The following UPF1 variants were observed in gnomAD, a reference collection of about 807,000 sequenced individuals.
UPF1 encodes the protein UPF1 RNA helicase and ATPase, also known as regulator of nonsense transcripts 1.
Under a neutral mutation model 129.2 loss-of-function variants are expected in UPF1, and 9 were observed. The observed-to-expected ratio is 0.07, with a 90% confidence interval of 0.04 to 0.12. UPF1 has a LOEUF of 0.12. Among genes scored for constraint, UPF1 ranks in the 10% least tolerant of loss-of-function variants. The pLI, the probability that UPF1 is intolerant of heterozygous loss-of-function variation, is 1.00. For synonymous variants in UPF1, 649 were observed against 644.9 expected (o/e 1.01, Z -0.10); for missense variants, 788 against 1,525.3 (o/e 0.52, Z 8.05).
At position 18,856,309 on chromosome 19, in the gene UPF1, C is replaced by G; in HGVS notation, c.1824+9C>G. 1.3e-6 allele frequency: 2 copies of G among 1,585,446 alleles called. No individual in the cohort carries two copies. Among genetic ancestry groups the G allele is most frequent in the East Asian group, 2.3e-5 (1 of 44,014 alleles). Reference sequence around the variant, plus strand: ...AGAGAGAGCTGCTGATGGTGAGTGCCCCTCCTGCCTGCAAAAGGGCCTGTG... The same window carrying G: ...AGAGAGAGCTGCTGATGGTGAGTGCGCCTCCTGCCTGCAAAAGGGCCTGTG... On this transcript the variant is annotated intron_variant, in intron 13 of 23. Transcript: ENST00000262803.
At chr19:18,836,651 T>C (rs1291940592) in intron 1 of UPF1, among the ~76,000 whole-genome samples, 2 of 152,130 alleles carry the variant, frequency 1.3e-5, no homozygotes, top group African/African-American at 4.8e-5. Context: ...TGTATGTCAG[T>C]TTCTAAAATG....
rs1369282702 is a variant in UPF1 at position 18,860,849 on chromosome 19, A to G, written c.2324A>G (p.Lys775Arg). The change falls in exon 17 of 24, where the codon AAG becomes AGG. Residue 775 changes from lysine to arginine, a missense_variant. Around this residue, in one of 6 missense-constraint regions of UPF1, gnomAD observed 140 missense variants for 385.9 expected, o/e 0.36. Transcript: ENST00000262803. ...LNRTEAANVE[K>R]ITTKLLKAGA... Reference sequence around the variant, plus strand: ...AGGACCGAGGCTGCGAACGTGGAGAAGATCACCACGAAGTTGCTGAAGGCA... The same window carrying G: ...AGGACCGAGGCTGCGAACGTGGAGAGGATCACCACGAAGTTGCTGAAGGCA... 2 of 1,612,420 alleles carry G rather than the reference A, an allele frequency of 1.2e-6. No homozygotes were observed. Among genetic ancestry groups the G allele is most frequent in the Non-Finnish European group, 1.7e-6 (2 of 1,179,590 alleles).
At chr19:18,841,720 G>A (rs1242220210) in intron 1 of UPF1, among the ~76,000 whole-genome samples, 1 of 152,150 alleles carries the variant, frequency 6.6e-6, no homozygotes, top group Non-Finnish European at 1.5e-5. Flanking sequence ...GGGCTCCAGG[G>A]AGAGTGGCTG....
Position 18,852,240 on chromosome 19 carries a change from T to C in UPF1, c.916T>C (p.Phe306Leu). 1 of 1,613,706 alleles carries C rather than the reference T, an allele frequency of 6.2e-7. No homozygotes were observed. The highest frequency in any genetic ancestry group is 8.5e-7 in the Non-Finnish European group (1 of 1,179,780). ...GGACGCCTACCAGTACCAGAACATATTCGGGCCCCTGGTCAAGCTGGAGGC... is the reference window on the plus strand; with the variant it reads ...GGACGCCTACCAGTACCAGAACATACTCGGGCCCCTGGTCAAGCTGGAGGC... The part of the protein sequence containing the change: ...YEDAYQYQNI[F>L]GPLVKLEADY... Residue 306 changes from phenylalanine to leucine, a missense_variant, in exon 6 of 24, where the codon TTC becomes CTC. Coordinates refer to ENST00000262803, the MANE Select transcript of UPF1 (RefSeq NM_002911.4).
intron 3 of UPF1, 89 bp from the exon 4 acceptor site, chr19:18,849,986 G>C: frequency 6.5e-7 from 1 of 1,538,108 alleles, no homozygotes; most frequent in Non-Finnish European, 8.9e-7. Context: ...ACCGTGAACG[G>C]TACCGGAACT....
rs563690181 is a variant in UPF1 at position 18,850,010 on chromosome 19, C to T, written c.462-65C>T. On this transcript the variant is annotated intron_variant, in intron 3 of 23. Transcript: ENST00000262803. This position sits in a 1 kb window ranked among gnomAD's most constrained non-coding sequence, Gnocchi z 7.1. The stretch of plus-strand genomic sequence containing the variant: ...GGTACCGGAACTTTTAACAGGGGCC[C>T]GAAAATTGGAAGTGGTGAAAAGCCA... The T allele has an allele frequency of 1.2e-4, 186 of 1,601,458 alleles. No individual in the cohort carries two copies. The highest frequency in any genetic ancestry group is 8.3e-4 in the Middle Eastern group (5 of 6,016).
chr19:18,841,474 A>G (rs1394109124), intron 1 of UPF1, among the ~76,000 whole-genome samples: 1 of 152,230 alleles, frequency 6.6e-6, no homozygotes, highest in Non-Finnish European at 1.5e-5. Flanking sequence ...ATGTAGGGAC[A>G]GTTGGCCTCT....
chr19:18,847,780 C>T lies in UPF1; in HGVS notation c.408C>T (p.Tyr136=). Residue 136 remains tyrosine, a synonymous_variant, in exon 3 of 24, where the codon TAC becomes TAT. Coordinates refer to ENST00000262803, the MANE Select transcript of UPF1 (RefSeq NM_002911.4). ...TACACGATCCTGCCTGCGTGGTTTA[C>T]TGTAATACCAGCAAGAAGTGGTTCT... ...CGIHDPACVV[Y]CNTSKKWFCN... is the part of the protein sequence containing the mutation. 4 of 1,614,194 alleles carry T rather than the reference C, an allele frequency of 2.5e-6. No individual in the cohort carries two copies. The highest frequency in any genetic ancestry group is 3.4e-6 in the Non-Finnish European group (4 of 1,180,034).
chr19:18,856,482 G>A (rs781481979), intron 13 of UPF1, among the ~76,000 whole-genome samples, 182 bp downstream of exon 13: 5 of 152,150 alleles, frequency 3.3e-5, no homozygotes, highest in Admixed American at 2.0e-4. Flanking sequence ...CCTGGAACAC[G>A]GTCTTCTAGG....
At chr19:18,836,582 A>G (rs955735940) in intron 1 of UPF1, among the ~76,000 whole-genome samples, 1 of 152,144 alleles carries the variant, frequency 6.6e-6, no homozygotes, top group Non-Finnish European at 1.5e-5. Flanking sequence ...CTTGGGGGTA[A>G]TGGACGTTTT....
chr19:18,836,063 A>G (rs1028700404), intron 1 of UPF1, among the ~76,000 whole-genome samples: 5 of 152,186 alleles, frequency 3.3e-5, no homozygotes, highest in African/African-American at 1.2e-4. Context: ...ATGAAATGAA[A>G]CTGATATTTA....
intron 20 of UPF1, 29 bp downstream of exon 20, chr19:18,864,280 ACCC>A: frequency 6.3e-7 from 1 of 1,588,866 alleles, no homozygotes; most frequent in South Asian, 1.1e-5. Flanking sequence ...GACCTGGCCG[ACCC>A]CTTGTCCTCA....
chr19:18,841,388 G>A (rs918095991), intron 1 of UPF1, among the ~76,000 whole-genome samples: 4 of 152,192 alleles, frequency 2.6e-5, no homozygotes, highest in African/African-American at 9.7e-5. Flanking sequence ...AAGCAGAAAA[G>A]GGCGCCTGTC....
chr19:18,866,256 T>TG (rs2055842932), intron 23 of UPF1, 90 bp downstream of exon 23: 1 of 1,443,228 alleles, frequency 6.9e-7, no homozygotes, highest in African/African-American at 1.4e-5. Flanking sequence ...ACTGGAGGGG[T>TG]GGTATCTGGA....
intron 1 of UPF1, among the ~76,000 whole-genome samples, chr19:18,839,433 C>T (rs367685463): frequency 1.3e-4 from 20 of 152,208 alleles, no homozygotes; most frequent in African/African-American, 2.4e-4. Context: ...AGTAAATTTA[C>T]GGAATTGGGC....
chr19:18,856,330 C>T (rs1395255389), intron 13 of UPF1, 30 bp downstream of exon 13: 1 of 1,566,628 alleles, frequency 6.4e-7, no homozygotes, highest in African/African-American at 1.4e-5. Flanking sequence ...GCAAAAGGGC[C>T]TGTGGGCTGG....
At chr19:18,864,660 C>G (rs2055819480) in intron 20 of UPF1, among the ~76,000 whole-genome samples, 1 of 150,518 alleles carries the variant, frequency 6.6e-6, no homozygotes, top group Non-Finnish European at 1.5e-5. Flanking sequence ...CTGCCTCAAG[C>G]AGTCCTTCTG....
At chr19:18,864,873 G>T (rs756926316) in intron 20 of UPF1, among the ~76,000 whole-genome samples, 1 of 150,870 alleles carries the variant, frequency 6.6e-6, no homozygotes, top group Non-Finnish European at 1.5e-5. Flanking sequence ...CGAGTAGCTG[G>T]GATTACAAGC....
chr19:18,859,304 T>TA (rs1253164910), intron 15 of UPF1: 8 of 152,242 alleles, frequency 5.3e-5, no homozygotes, highest in Admixed American at 3.9e-4. Context: ...ACCCAGGAAG[T>TA]ACATTTTAGG....
Sources: gnomAD v4.1 joint callset for allele counts (sites outside exome capture counted in the v4.1 genomes callset) on GRCh38, gnomAD v4.1.1 for gene constraint, gnomAD v4.1.1 regional missense constraint, Gnocchi (gnomAD v3.1) non-coding constraint, MANE v1.5 for transcripts, NCBI Gene and HGNC (gene_info 2026-07-23, HGNC 2026-07-21) for gene names.